Variants in GPHN observed in about 807,000 individuals in gnomAD.
GPHN encodes the protein gephyrin.
Under a neutral mutation model 95.5 loss-of-function variants are expected in GPHN, and 17 were observed. The ratio of observed to expected loss-of-function variants is 0.18; its 90% CI spans 0.12 to 0.27. The LOEUF is 0.27. Among genes scored for constraint, GPHN ranks in the 10% least tolerant of loss-of-function variants. The probability of loss-of-function intolerance (pLI) is 1.00; values close to 1 mark genes in which losing one functional copy is unlikely to be tolerated. For synonymous variants in GPHN, 320 were observed against 322.5 expected (o/e 0.99, Z 0.08); for missense variants, 660 against 978.1 (o/e 0.67, Z 4.34).
the GPHN span, chr14:67,376,712 C>A: frequency 9.6e-7 from 1 of 1,038,966 alleles, no homozygotes; most frequent in Non-Finnish European, 1.4e-6. Context: ...TTTGTATTGG[C>A]CAGTAAATGG....
the GPHN span, among the ~76,000 whole-genome samples, chr14:67,410,571 T>C: frequency 2.4e-4 from 36 of 152,322 alleles, no homozygotes; most frequent in East Asian, 1.4e-3. Context: ...CATCAGCTTC[T>C]ACCCTCCTTG....
At chr14:66,900,510 G>A (rs904806206) in intron 5 of GPHN, among the ~76,000 whole-genome samples, 5 of 147,786 alleles carry the variant, frequency 3.4e-5, no homozygotes, top group African/African-American at 1.3e-4. Context: ...CTTCATATGT[G>A]CCCATCAATC....
At chr14:67,314,369 C>A in the GPHN span, among the ~76,000 whole-genome samples, 1 of 152,162 alleles carries the variant, frequency 6.6e-6, no homozygotes, top group African/African-American at 2.4e-5. Flanking sequence ...TACATTTATT[C>A]TTTTTGAGTA....
the GPHN span, among the ~76,000 whole-genome samples, chr14:67,431,738 G>C: frequency 1.3e-5 from 2 of 149,734 alleles, no homozygotes; most frequent in Non-Finnish European, 2.9e-5. Context: ...CGGCAAAAAA[G>C]GTTGGGGAAA....
At chr14:66,944,339 C>T (rs1449428004) in intron 8 of GPHN, among the ~76,000 whole-genome samples, 1 of 152,194 alleles carries the variant, frequency 6.6e-6, no homozygotes, top group African/African-American at 2.4e-5. Context: ...TCCCAGGCCA[C>T]CATTGTAAAA....
At chr14:67,396,005 A>G in the GPHN span, among the ~76,000 whole-genome samples, 1 of 152,080 alleles carries the variant, frequency 6.6e-6, no homozygotes, top group Admixed American at 6.5e-5. Flanking sequence ...ACAGGATATT[A>G]ATGCCTACCT....
intron 2 of GPHN, among the ~76,000 whole-genome samples, chr14:66,692,331 A>T (rs570527583): frequency 8.5e-5 from 13 of 152,174 alleles, no homozygotes; most frequent in South Asian, 4.1e-4. Context: ...GAGTATGATG[A>T]GGTACTAACA....
chr14:67,676,984 A>T, the GPHN span: 1 of 152,236 alleles, frequency 6.6e-6, no homozygotes, highest in Non-Finnish European at 1.5e-5. Context: ...ATTTCTAAAC[A>T]TATAGCTTAA....
At chr14:66,639,057 T>A (rs1390463175) in intron 1 of GPHN, among the ~76,000 whole-genome samples, 1 of 151,808 alleles carries the variant, frequency 6.6e-6, no homozygotes, top group Non-Finnish European at 1.5e-5. Context: ...TATTCTTTAA[T>A]CTTTTATGAT....
intron 3 of GPHN, among the ~76,000 whole-genome samples, chr14:66,778,704 C>A (rs140679375): frequency 1.7e-5 from 2 of 116,082 alleles, no homozygotes; most frequent in East Asian, 2.7e-4. Context: ...TTATTTAATT[C>A]TATGACTCAA....
chr14:66,853,839 A>T (rs2062693032), intron 4 of GPHN, among the ~76,000 whole-genome samples: 3 of 152,288 alleles, frequency 2.0e-5, no homozygotes, highest in Admixed American at 6.5e-5. Flanking sequence ...TTGGCACTGT[A>T]TTTTTACCTC....
rs374864425 is a variant in GPHN, at chr14:66,597,155, G to A, written c.65-83952G>A. On this transcript the variant is annotated intron_variant, in intron 1 of 22. Transcript: ENST00000478722. ...CCATCAGCCAAGTTTCCATTTGCAT[G>A]ACCATTTGGAGTTTGATGGCCCGAA... Among the ~76,000 whole-genome samples the A allele has an allele frequency of 2.6e-5, 4 of 152,144 alleles. No homozygotes were observed. In the South Asian group the frequency reaches 8.3e-4, roughly 32 times the overall value.
intron 11 of GPHN, among the ~76,000 whole-genome samples, chr14:67,088,154 T>C (rs550664912): frequency 6.6e-6 from 1 of 152,266 alleles, no homozygotes; most frequent in South Asian, 2.1e-4. Context: ...GGATATTCCT[T>C]CCTTTTTTTT....
intron 1 of GPHN, among the ~76,000 whole-genome samples, chr14:66,623,627 A>C (rs1465290249): frequency 1.3e-5 from 2 of 151,556 alleles, no homozygotes; most frequent in African/African-American, 4.8e-5. Context: ...CAAAAAAAAA[A>C]AAAAAAAAAA....
At chr14:67,338,735 CT>C in the GPHN span, 1 of 1,613,174 alleles carries the variant, frequency 6.2e-7, no homozygotes, top group South Asian at 1.1e-5. Context: ...CCTTTAGAAT[CT>C]TTTTCTTCTC....
At chr14:66,985,359 G>A (rs1236846070) in intron 9 of GPHN, among the ~76,000 whole-genome samples, 1 of 152,138 alleles carries the variant, frequency 6.6e-6, no homozygotes, top group Non-Finnish European at 1.5e-5. Flanking sequence ...AGGTATATTT[G>A]TAATTCTTTG....
At chr14:67,685,206 T>G in the GPHN span, 2 of 1,608,358 alleles carry the variant, frequency 1.2e-6, no homozygotes, top group South Asian at 1.1e-5. Flanking sequence ...CGCCAGAGCC[T>G]GGTTGGGGGT....
chr14:67,659,936 A>C, the GPHN span: 1 of 1,610,812 alleles, frequency 6.2e-7, no homozygotes, highest in East Asian at 2.2e-5. Flanking sequence ...GGAAGGCAGA[A>C]AGTAGTGAGC....
the GPHN span, chr14:67,395,533 G>C: frequency 1.2e-6 from 2 of 1,614,162 alleles, no homozygotes; most frequent in Non-Finnish European, 1.7e-6. Context: ...CTCGAGAACA[G>C]GCCTCCAGGA....
Sources: allele counts gnomAD v4.1 joint callset (sites outside exome capture counted in the v4.1 genomes callset), GRCh38; gene constraint gnomAD v4.1.1; transcripts MANE v1.5; gene names NCBI Gene and HGNC (gene_info 2026-07-23, HGNC 2026-07-21).